Variants in BDP1 observed in about 807,000 individuals in gnomAD.
The protein encoded by BDP1 is BDP1 general transcription factor IIIB subunit.
A neutral mutation model predicts 266.6 loss-of-function variants in BDP1; 169 were observed. The observed-to-expected ratio is 0.63, with a 90% CI of 0.56 to 0.72. The LOEUF (loss-of-function observed/expected upper bound fraction) is 0.72. Among genes scored for constraint, BDP1 ranks in the 30% least tolerant of loss-of-function variants. The probability of loss-of-function intolerance (pLI) is 0.00; values close to 1 mark genes in which losing one functional copy is unlikely to be tolerated. For missense variants in BDP1, 3,015 were observed against 3,053.8 expected, an observed-to-expected ratio of 0.99 and a Z score of 0.30; for synonymous variants, 1,090 against 1,022.4, an observed-to-expected ratio of 1.07 and a Z score of -1.26.
chr5:71,572,455 G>A (rs1313316388), downstream of BDP1, among the ~76,000 whole-genome samples: 4 of 152,174 alleles, frequency 2.6e-5, no homozygotes, highest in African/African-American at 9.7e-5. Flanking sequence ...AAATTGACAA[G>A]GCGAATGGGG....
intron 38 of BDP1, 92 bp downstream of exon 38, chr5:71,562,612 T>G (rs929981549): frequency 9.9e-6 from 15 of 1,515,142 alleles, no homozygotes; most frequent in Non-Finnish European, 1.3e-5. Flanking sequence ...TTATTTTTAT[T>G]TGATGTCAGA....
chr5:71,525,854 C>A (rs1410739248), intron 25 of BDP1, among the ~76,000 whole-genome samples: 1 of 151,734 alleles, frequency 6.6e-6, no homozygotes, highest in African/African-American at 2.4e-5. Flanking sequence ...GGCTGCCGGG[C>A]GGAGGGGCTG....
At chr5:71,480,277 A>ATTTTT (rs552593030) in intron 7 of BDP1, among the ~76,000 whole-genome samples, 11 of 105,014 alleles carry the variant, frequency 1.0e-4, no homozygotes, top group South Asian at 3.2e-4. Context: ...TGCCCAGCTA[A>ATTTTT]TTTTTTTTTT....
intron 27 of BDP1, among the ~76,000 whole-genome samples, chr5:71,539,289 C>T (rs998471910): frequency 2.6e-5 from 4 of 152,052 alleles, no homozygotes; most frequent in African/African-American, 7.2e-5. Context: ...TGAGCATTTC[C>T]TCTGGATCTT....
At chr5:71,492,247 A>G (rs1315275111) in intron 11 of BDP1, among the ~76,000 whole-genome samples, 1 of 152,148 alleles carries the variant, frequency 6.6e-6, no homozygotes, top group Admixed American at 6.6e-5. Context: ...GTTCTTGTGG[A>G]TAAATACCCA....
At chr5:71,553,957 G>T (rs571703909) in intron 35 of BDP1, among the ~76,000 whole-genome samples, 1 of 152,202 alleles carries the variant, frequency 6.6e-6, no homozygotes, top group African/African-American at 2.4e-5. Flanking sequence ...CCTCAGGGAA[G>T]TCCGGCCAGA....
At chr5:71,461,116 G>T (rs1472897713) in intron 2 of BDP1, among the ~76,000 whole-genome samples, 2 of 151,932 alleles carry the variant, frequency 1.3e-5, no homozygotes, top group African/African-American at 4.8e-5. Flanking sequence ...AGTAGCTGTG[G>T]CTATAGGCAT....
chr5:71,502,877 A>G (rs1481443247), intron 15 of BDP1, 86 bp downstream of exon 15: 2 of 861,810 alleles, frequency 2.3e-6, no homozygotes, highest in Non-Finnish European at 1.8e-6. Flanking sequence ...ATACTTACAT[A>G]CATACATACA....
chr5:71,506,786 AACACACACACACACACACAC>A (rs70992971), intron 16 of BDP1, among the ~76,000 whole-genome samples: 2 of 64,408 alleles, frequency 3.1e-5, no homozygotes, highest in South Asian at 5.2e-4. Flanking sequence ...ATATATTTGA[AACACACACACACACACACAC>A]ACACACACAC....
At chr5:71,498,037 G>A (rs979693410) in intron 13 of BDP1, among the ~76,000 whole-genome samples, 9 of 151,502 alleles carry the variant, frequency 5.9e-5, no homozygotes, top group Admixed American at 1.3e-4. Context: ...TACAAGCTCT[G>A]CCTCCCAGGT....
intron 28 of BDP1, among the ~76,000 whole-genome samples, chr5:71,540,110 T>G (rs1766873070): frequency 6.6e-6 from 1 of 152,196 alleles, no homozygotes; most frequent in Non-Finnish European, 1.5e-5. Context: ...TAAACTGTTC[T>G]CAGTTTGGAC....
At chr5:71,508,191 T>C (rs761322426) in intron 16 of BDP1, among the ~76,000 whole-genome samples, 3 of 152,286 alleles carry the variant, frequency 2.0e-5, no homozygotes, top group Non-Finnish European at 2.9e-5. Context: ...TCTCAAACTC[T>C]TGACCTTAAG....
intron 35 of BDP1, among the ~76,000 whole-genome samples, chr5:71,555,253 C>G (rs1171463316): frequency 2.0e-5 from 3 of 152,136 alleles, no homozygotes; most frequent in African/African-American, 7.2e-5. Context: ...CCTCATATGA[C>G]TTTTACCGTT....
At chr5:71,570,127 T>G (rs1463367675), downstream of BDP1, among the ~76,000 whole-genome samples, 1 of 152,172 alleles carries the variant, frequency 6.6e-6, no homozygotes. Context: ...CTGTGAGAAG[T>G]CAGACCAAGA....
chr5:71,509,990 A>G lies in BDP1; in HGVS notation c.2898A>G (p.Pro966=). The stretch of plus-strand genomic sequence containing the variant: ...AAGCAACTGGAAATGAGAGTTCCCC[A>G]AGGGAGAAGACACCAGAGGTGACTG... ...DLKATGNESS[P]REKTPEVTDA... is the part of the protein sequence containing the mutation. Residue 966 remains proline, a synonymous_variant, in exon 17 of 39, where the codon CCA becomes CCG. Transcript: ENST00000358731. The G allele has an allele frequency of 1.2e-6, 2 of 1,613,784 alleles. No homozygotes were observed. The highest frequency in any genetic ancestry group is 1.7e-6 in the Non-Finnish European group (2 of 1,179,960).
intron 12 of BDP1, among the ~76,000 whole-genome samples, chr5:71,496,327 ATGTC>A (rs1196158743): frequency 6.6e-6 from 1 of 152,188 alleles, no homozygotes; most frequent in Non-Finnish European, 1.5e-5. Flanking sequence ...AAACTTAAAA[ATGTC>A]AGTCTTTGAA....
At chr5:71,482,349 G>C (rs1561691087) in intron 7 of BDP1, among the ~76,000 whole-genome samples, 1 of 152,170 alleles carries the variant, frequency 6.6e-6, no homozygotes, top group Non-Finnish European at 1.5e-5. Context: ...GTAAACATGG[G>C]CACATCTTGT....
In BDP1 at chr5:71,553,166, T is replaced by C; in HGVS notation, c.7046T>C (p.Ile2349Thr). Residue 2349 changes from isoleucine (I) to threonine (T), a missense_variant, in exon 35 of 39, where the codon ATT becomes ACT. Transcript: ENST00000358731. ...GGTCAAGATGCCATGGGTTTATCTA[T>C]TTCTGGAAGAGATAATTCTAAAAAG... ...SVGQDAMGLSISGRDNSKKPP... is the reference protein window; with the variant it reads ...SVGQDAMGLSTSGRDNSKKPP... 2 of 1,613,304 alleles carry C rather than the reference T, an allele frequency of 1.2e-6. No individual in the cohort carries two copies. Among genetic ancestry groups the C allele is most frequent in the Non-Finnish European group, 8.5e-7 (1 of 1,179,962 alleles).
intron 7 of BDP1, among the ~76,000 whole-genome samples, chr5:71,476,734 C>A (rs569284652): frequency 6.6e-6 from 1 of 151,838 alleles, no homozygotes; most frequent in Non-Finnish European, 1.5e-5. Flanking sequence ...GATGGAGTCT[C>A]GCTCTGTCAC....
Sources: gnomAD v4.1 joint callset for allele counts (sites outside exome capture counted in the v4.1 genomes callset) on GRCh38, gnomAD v4.1.1 for gene constraint, MANE v1.5 for transcripts, NCBI Gene and HGNC (gene_info 2026-07-23, HGNC 2026-07-21) for gene names.